The following NOX5 variants were observed in gnomAD, a reference collection of about 807,000 sequenced individuals.
The protein encoded by NOX5 is NADPH oxidase 5.
Under a neutral mutation model 85.7 loss-of-function variants are expected in NOX5, and 76 were observed. That is an observed-to-expected ratio of 0.89 (90% CI 0.74 to 1.07). NOX5 has a LOEUF of 1.07. Ranked by LOEUF, NOX5 falls within the 50% of genes least tolerant of loss-of-function variation. NOX5 has a pLI of 0.00. For synonymous variants in NOX5, 405 were observed against 401.4 expected (o/e 1.01, Z -0.11); for missense variants, 973 against 999.5 (o/e 0.97, Z 0.36).
In NOX5 at chr15:69,057,459, T is replaced by C. The variant is rs755583086; in HGVS notation, c.*763T>C. On this transcript the variant is annotated 3_prime_UTR_variant, in exon 16 of 16. Transcript: ENST00000388866. ...GCATCTTTCCCTGCCCCTCCTTGTG[T>C]CTTTGTCTCCCCATCTCCCTCTCTC... 6.6e-6 allele frequency: 1 copy of C among 152,270 alleles called. No individual in the cohort carries two copies. The highest frequency in any genetic ancestry group is 1.9e-4 in the East Asian group (1 of 5,198). 9.4% of individuals were successfully genotyped at this position (152,270 alleles called of 1,614,324 possible).
chr15:69,042,597 T>G, intron 9 of NOX5, 66 bp from the exon 10 acceptor site: 34 of 1,532,498 alleles, frequency 2.2e-5, no homozygotes, highest in Non-Finnish European at 2.7e-5. Flanking sequence ...TCCAGTGGGG[T>G]GAGGCTTGCT....
intron 9 of NOX5, 32 bp downstream of exon 9, chr15:69,039,021 A>G (rs774112641): frequency 5.1e-5 from 82 of 1,612,560 alleles, no homozygotes; most frequent in Non-Finnish European, 6.8e-5. Flanking sequence ...CACTCTGCAC[A>G]TATTCACTGA....
chr15:69,061,288 G>A lies in NOX5; in HGVS notation c.*4592G>A, dbSNP rs978849232. On this transcript the variant is annotated 3_prime_UTR_variant, in exon 16 of 16. Coordinates refer to ENST00000388866, the MANE Select transcript of NOX5 (RefSeq NM_024505.4). ...ACTCCGTGGGCTCTTCAATAAGGGA[G>A]GCTCCTATAGTGCCCATTATCAATA... 6.6e-6 allele frequency: 1 copy of A among 152,244 alleles called. No homozygotes were observed. The highest frequency in any genetic ancestry group is 1.5e-5 in the Non-Finnish European group (1 of 68,050). The allele number at this position is 152,244 out of a possible 1,614,324, so 9.4% of individuals were successfully genotyped here.
intron 9 of NOX5, among the ~76,000 whole-genome samples, chr15:69,039,623 C>T (rs141570960): frequency 1.1e-4 from 17 of 152,124 alleles, no homozygotes; most frequent in Admixed American, 9.2e-4. Context: ...AAGAGGGCTG[C>T]GATGGGAGAC....
intron 15 of NOX5, 31 bp from the exon 16 acceptor site, chr15:69,056,534 C>T (rs776311184): frequency 3.1e-6 from 5 of 1,608,806 alleles, no homozygotes; most frequent in East Asian, 4.5e-5. Context: ...CCTATCTTCC[C>T]TCTTCTCTTC....
intron 4 of NOX5, among the ~76,000 whole-genome samples, chr15:69,032,157 C>T (rs1287012366): frequency 6.6e-6 from 1 of 152,170 alleles, no homozygotes; most frequent in African/African-American, 2.4e-5. Flanking sequence ...GGTATTTATG[C>T]AATAAATGTT....
chr15:69,040,373 T>C (rs1285184490), intron 9 of NOX5, among the ~76,000 whole-genome samples: 1 of 152,236 alleles, frequency 6.6e-6, no homozygotes, highest in African/African-American at 2.4e-5. Context: ...AGGAAAACCA[T>C]TGCCAATTAT....
At position 69,037,224 on chromosome 15, in the gene NOX5, G is replaced by A; in HGVS notation, c.1371+14G>A. 8 of 1,608,164 alleles carry A rather than the reference G, an allele frequency of 5.0e-6. No individual in the cohort carries two copies. Among genetic ancestry groups the A allele is most frequent in the Non-Finnish European group, 6.8e-6 (8 of 1,176,980 alleles). ...CTCCCCTCCAAGGTACAAAGGTGGG[G>A]GATGGGGAGGTGCTTTTCCAACTCA... On this transcript the variant is annotated intron_variant, in intron 8 of 15. Transcript: ENST00000388866.
Position 69,047,472 on chromosome 15 carries a change from C to T in NOX5, c.1752C>T (p.Ala584=), listed in dbSNP as rs774041090. ...PTRRIFASEH[A]VLIGAGIGIT... is the part of the protein sequence containing the mutation. ...GCAGGATCTTTGCCTCTGAGCATGC[C>T]GTGCTCATCGGGGCAGGCATCGGCA... The change falls in exon 12 of 16, where the codon GCC becomes GCT. Residue 584 remains alanine, a synonymous_variant. Coordinates refer to ENST00000388866, the MANE Select transcript of NOX5 (RefSeq NM_024505.4). The T allele has an allele frequency of 1.4e-5, 23 of 1,613,890 alleles. No individual in the cohort carries two copies. Among genetic ancestry groups the T allele is most frequent in the South Asian group, 1.1e-4 (10 of 91,078 alleles).
At chr15:69,050,626 T>C (rs1463533658) in intron 14 of NOX5, among the ~76,000 whole-genome samples, 1 of 152,206 alleles carries the variant, frequency 6.6e-6, no homozygotes, top group Non-Finnish European at 1.5e-5. Flanking sequence ...TGACCTCAAG[T>C]GATCCACCTG....
intron 1 of NOX5, among the ~76,000 whole-genome samples, chr15:69,017,448 G>A (rs1049755926): frequency 6.6e-6 from 1 of 152,142 alleles, no homozygotes; most frequent in Non-Finnish European, 1.5e-5. Context: ...CACTGCGGCC[G>A]GCCAGACGTT....
chr15:69,022,715 A>G (rs575325722), intron 1 of NOX5: 4 of 191,710 alleles, frequency 2.1e-5, no homozygotes, highest in Non-Finnish European at 4.3e-5. Context: ...TGGTCATTCA[A>G]GAGTTAGGTC....
intron 10 of NOX5, among the ~76,000 whole-genome samples, chr15:69,044,554 T>C (rs1333584161): frequency 6.6e-6 from 1 of 152,266 alleles, no homozygotes; most frequent in East Asian, 1.9e-4. Flanking sequence ...CTGATCACCT[T>C]TACAATAGAA....
At chr15:69,055,033 T>C (rs1316503829) in intron 14 of NOX5, among the ~76,000 whole-genome samples, 1 of 152,150 alleles carries the variant, frequency 6.6e-6, no homozygotes, top group Non-Finnish European at 1.5e-5. Flanking sequence ...CTGAGCAACA[T>C]AGTGAAATCC....
chr15:69,053,490 G>A (rs1258109259), intron 14 of NOX5, among the ~76,000 whole-genome samples: 2 of 152,150 alleles, frequency 1.3e-5, no homozygotes, highest in African/African-American at 2.4e-5. Context: ...AGTATTTAAT[G>A]GCTATATAAT....
At chr15:69,016,521 A>C (rs1369395291) in intron 1 of NOX5, among the ~76,000 whole-genome samples, 1 of 152,176 alleles carries the variant, frequency 6.6e-6, no homozygotes, top group Non-Finnish European at 1.5e-5. Context: ...GCCCCAAGTC[A>C]ATGCAGGGGC....
At chr15:69,055,679 C>G (rs1489943623) in intron 15 of NOX5, among the ~76,000 whole-genome samples, 179 bp downstream of exon 15, 1 of 152,038 alleles carries the variant, frequency 6.6e-6, no homozygotes, top group Non-Finnish European at 1.5e-5. Context: ...TATCACTAAC[C>G]TTTGTTCCAT....
rs749670911 is a variant in NOX5, at chr15:69,042,824, G to A, written c.1647+19G>A. On this transcript the variant is annotated intron_variant, in intron 10 of 15. Coordinates refer to ENST00000388866, the MANE Select transcript of NOX5 (RefSeq NM_024505.4). ...GTCCAAGGTAGGTGGCTACTGGAGGGAAGGGGTCCACTCTGCTGGCAAGTC... is the reference window on the plus strand; with the variant it reads ...GTCCAAGGTAGGTGGCTACTGGAGGAAAGGGGTCCACTCTGCTGGCAAGTC... 1 of 1,609,988 alleles carries A rather than the reference G, an allele frequency of 6.2e-7. No homozygotes were observed. The highest frequency in any genetic ancestry group is 1.1e-5 in the South Asian group (1 of 90,204).
At chr15:69,055,628 C>A in intron 15 of NOX5, 128 bp downstream of exon 15, 2 of 1,002,560 alleles carry the variant, frequency 2.0e-6, no homozygotes, top group Admixed American at 2.7e-5. Flanking sequence ...CCAGAAGGGA[C>A]CTCGTGGTGT....
Sources: gnomAD v4.1 joint callset for allele counts (sites outside exome capture counted in the v4.1 genomes callset) on GRCh38, gnomAD v4.1.1 for gene constraint, MANE v1.5 for transcripts, NCBI Gene and HGNC (gene_info 2026-07-23, HGNC 2026-07-21) for gene names.